CDH12: variants seen among roughly 807,000 people sequenced by gnomAD.
CDH12 encodes the protein cadherin-12.
In CDH12, 41 loss-of-function variants were observed where a neutral mutation model predicts 74.1. The observed-to-expected ratio is 0.55, with a 90% confidence interval of 0.43 to 0.72. CDH12 has a LOEUF of 0.72. CDH12 is among the 30% of genes least tolerant of loss of function. The probability of loss-of-function intolerance (pLI) is 0.00; values close to 1 mark genes in which losing one functional copy is unlikely to be tolerated. For synonymous variants in CDH12, 399 were observed against 355.0 expected, an observed-to-expected ratio of 1.12 and a Z score of -1.39; for missense variants, 945 against 977.2, an observed-to-expected ratio of 0.97 and a Z score of 0.44.
intron 8 of CDH12, among the ~76,000 whole-genome samples, chr5:21,836,063 T>C (rs899960415): frequency 1.3e-5 from 2 of 151,824 alleles, no homozygotes; most frequent in African/African-American, 2.4e-5. Flanking sequence ...AGACAAAATA[T>C]TGTTCACTGT....
At chr5:22,658,949 A>C (rs1354498649) in intron 1 of CDH12, among the ~76,000 whole-genome samples, 2 of 152,176 alleles carry the variant, frequency 1.3e-5, no homozygotes, top group Non-Finnish European at 2.9e-5. Context: ...AGAGTTCAAC[A>C]GTACAAATTT....
chr5:22,061,634 T>C (rs759935087), intron 5 of CDH12, among the ~76,000 whole-genome samples: 1 of 152,154 alleles, frequency 6.6e-6, no homozygotes, highest in African/African-American at 2.4e-5. Flanking sequence ...TGGTATAATA[T>C]ACAAATTGTA....
intron 4 of CDH12, among the ~76,000 whole-genome samples, chr5:22,161,153 C>T (rs139249853): frequency 0.07 from 10,647 of 152,244 alleles, 473 homozygotes; most frequent in South Asian, 0.15. Context: ...CTCATCCTCT[C>T]TCTTCTCATT....
In CDH12 at chr5:21,842,407, A is replaced by ACATGAT. The variant is rs1013662227; in HGVS notation, c.647-85_647-80dup. 28 of 981,442 alleles carry ACATGAT rather than the reference A, an allele frequency of 2.9e-5. No individual in the cohort carries two copies. The African/African-American group carries it at 4.1e-4, about 14-fold the overall frequency. The allele number at this position is 981,442 out of a possible 1,614,324, so 60.8% of individuals were successfully genotyped here. On this transcript the variant is annotated intron_variant, in intron 7 of 14. Coordinates refer to ENST00000382254, the MANE Select transcript of CDH12 (RefSeq NM_004061.5). ...TGAAATAAAATAAAATGCAACAACA[A>ACATGAT]CATGATTCTACCTAGAATCACTAAC... is the stretch of plus-strand genomic sequence containing the variant.
At chr5:22,030,523 T>C (rs1738743972) in intron 5 of CDH12, among the ~76,000 whole-genome samples, 1 of 152,220 alleles carries the variant, frequency 6.6e-6, no homozygotes, top group Non-Finnish European at 1.5e-5. Context: ...AGTTATGCTG[T>C]AAGCAGATGT....
chr5:22,231,482 T>C (rs1467988654), intron 3 of CDH12, among the ~76,000 whole-genome samples: 2 of 152,062 alleles, frequency 1.3e-5, no homozygotes, highest in Non-Finnish European at 1.5e-5. Flanking sequence ...GAAAAAGATA[T>C]ATGGTACCAT....
intron 3 of CDH12, among the ~76,000 whole-genome samples, chr5:22,262,215 C>G (rs1753544732): frequency 1.3e-5 from 2 of 150,622 alleles, no homozygotes; most frequent in East Asian, 2.0e-4. Context: ...TGCACTGCAC[C>G]CACTAACTCG....
In CDH12 at chr5:21,950,786, T is replaced by TATTATTATC. The variant is rs1308200605; in HGVS notation, c.526+24304_526+24305insGATAATAAT. On this transcript the variant is annotated intron_variant, in intron 6 of 14. Transcript: ENST00000382254. The stretch of plus-strand genomic sequence containing the variant: ...TTATTATTATTATTATTATTATTAT[T>TATTATTATC]ATTATTATTATTATTTTGAGACAGA... Among the ~76,000 whole-genome samples, 7 of 146,622 alleles carry TATTATTATC rather than the reference T, an allele frequency of 4.8e-5. 1 individual carries two copies. The South Asian group carries it at 1.3e-3, about 27-fold the overall frequency.
intron 2 of CDH12, among the ~76,000 whole-genome samples, chr5:22,490,803 T>A (rs1474485166): frequency 6.6e-6 from 1 of 152,182 alleles, no homozygotes; most frequent in Non-Finnish European, 1.5e-5. Context: ...GAACTAACAC[T>A]CTTGCCTTTA....
At chr5:22,275,878 C>T (rs1210757211) in intron 3 of CDH12, among the ~76,000 whole-genome samples, 11 of 152,054 alleles carry the variant, frequency 7.2e-5, no homozygotes, top group Admixed American at 6.5e-4. Context: ...TAGTTCTTTG[C>T]CCAATTGGTG....
chr5:22,802,472 A>G (rs1748583793), intron 1 of CDH12, among the ~76,000 whole-genome samples: 1 of 152,120 alleles, frequency 6.6e-6, no homozygotes, highest in Non-Finnish European at 1.5e-5. Context: ...AAATTGCTTT[A>G]TAGTAATAAA....
At chr5:22,437,363 G>T (rs1744439720) in intron 2 of CDH12, among the ~76,000 whole-genome samples, 1 of 151,552 alleles carries the variant, frequency 6.6e-6, no homozygotes, top group East Asian at 1.9e-4. Flanking sequence ...GACTTTTTCA[G>T]TCTATTATTT....
chr5:22,625,686 T>TG (rs1355446432), intron 1 of CDH12, among the ~76,000 whole-genome samples: 1 of 152,150 alleles, frequency 6.6e-6, no homozygotes, highest in African/African-American at 2.4e-5. Context: ...TCTGCTGGCC[T>TG]TTCCTGGGGC....
intron 1 of CDH12, among the ~76,000 whole-genome samples, chr5:22,606,526 A>T (rs963744902): frequency 6.6e-6 from 1 of 152,142 alleles, no homozygotes; most frequent in Non-Finnish European, 1.5e-5. Flanking sequence ...TGATGGTTTT[A>T]TAAAGGGCTC....
intron 3 of CDH12, among the ~76,000 whole-genome samples, chr5:22,382,672 T>C (rs1482248313): frequency 3.3e-5 from 5 of 152,150 alleles, no homozygotes; most frequent in African/African-American, 9.7e-5. Context: ...TATGTGCATA[T>C]ACAACCTGCC....
chr5:22,028,376 C>T (rs1268668857), intron 5 of CDH12, among the ~76,000 whole-genome samples: 1 of 152,002 alleles, frequency 6.6e-6, no homozygotes, highest in Admixed American at 6.6e-5. Flanking sequence ...TGTCTCAGCC[C>T]AAAATCTCCT....
intron 4 of CDH12, among the ~76,000 whole-genome samples, chr5:22,209,178 A>G (rs1580404753): frequency 6.6e-6 from 1 of 152,100 alleles, no homozygotes; most frequent in African/African-American, 2.4e-5. Context: ...ATCATATTAA[A>G]TTTTCCAGGT....
chr5:22,174,345 G>T (rs947500399), intron 4 of CDH12, among the ~76,000 whole-genome samples: 2 of 151,864 alleles, frequency 1.3e-5, no homozygotes, highest in Non-Finnish European at 2.9e-5. Context: ...TAATTTAATA[G>T]TAAGTTAAAA....
intron 4 of CDH12, among the ~76,000 whole-genome samples, chr5:22,203,999 C>A (rs979770247): frequency 2.6e-5 from 4 of 152,074 alleles, no homozygotes; most frequent in African/African-American, 9.7e-5. Context: ...TTATTCATAG[C>A]AAAGGAAACA....
Sources: gnomAD v4.1 joint callset for allele counts (sites outside exome capture counted in the v4.1 genomes callset) on GRCh38, gnomAD v4.1.1 for gene constraint, MANE v1.5 for transcripts, NCBI Gene and HGNC (gene_info 2026-07-23, HGNC 2026-07-21) for gene names.